TTC39C: variants seen among roughly 807,000 people sequenced by gnomAD.
TTC39C encodes tetratricopeptide repeat protein 39C.
Under a neutral mutation model 76.3 loss-of-function variants are expected in TTC39C, and 33 were observed. That is an observed-to-expected ratio of 0.43 (90% CI 0.33 to 0.58). The LOEUF is 0.58. Among genes scored for constraint, TTC39C ranks in the 20% least tolerant of loss-of-function variants. The pLI is 0.04. For missense variants in TTC39C, 595 were observed against 701.4 expected (o/e 0.85, Z 1.71); for synonymous variants, 254 against 260.6 (o/e 0.97, Z 0.24).
chr18:24,092,092 CAAAAAAAAAA>C (rs74171390), intron 6 of TTC39C, among the ~76,000 whole-genome samples: 6 of 67,590 alleles, frequency 8.9e-5, no homozygotes, highest in African/African-American at 1.8e-4. Flanking sequence ...GACTCAGTCT[CAAAAAAAAAA>C]AAAAAAAAAA....
rs182753813 is a variant in TTC39C at position 24,050,555 on chromosome 18, C to A, written c.168-13585C>A. Among the ~76,000 whole-genome samples, 565 of 128,626 alleles carry A rather than the reference C, an allele frequency of 4.4e-3. 3 individuals carry two copies. The highest frequency in any genetic ancestry group is 0.017 in the African/African-American group (537 of 32,238). The allele number at this position is 128,626 out of a possible 152,430, so 84.4% of individuals were successfully genotyped here. A position where few individuals can be genotyped will look rare whatever the true frequency, so the allele number is the denominator to read the frequency against. On this transcript the variant is annotated intron_variant, in intron 1 of 13. Coordinates refer to ENST00000317571, the MANE Select transcript of TTC39C (RefSeq NM_001135993.2). ...CTCCAGTCTGGGTGACAAAGCAAGACCCTGTCTCAAAAAAAAAAAAAAAAA... is the reference window on the plus strand; with the variant it reads ...CTCCAGTCTGGGTGACAAAGCAAGAACCTGTCTCAAAAAAAAAAAAAAAAA...
chr18:24,038,013 C>T (rs567639919), intron 1 of TTC39C, among the ~76,000 whole-genome samples: 1 of 152,350 alleles, frequency 6.6e-6, no homozygotes, highest in Admixed American at 6.5e-5. Context: ...CTATGCTATG[C>T]TACGCATCCT....
chr18:24,066,268 C>T (rs2084165480), intron 3 of TTC39C, 128 bp downstream of exon 3: 4 of 1,243,978 alleles, frequency 3.2e-6, no homozygotes, highest in Non-Finnish European at 4.3e-6. Context: ...CACAATGTTT[C>T]TTATGGTTTT....
chr18:24,076,003 C>G (rs1332364323), intron 4 of TTC39C, among the ~76,000 whole-genome samples: 1 of 152,144 alleles, frequency 6.6e-6, no homozygotes, highest in African/African-American at 2.4e-5. Flanking sequence ...TAAGGTGGGA[C>G]AGATTGTCTG....
In TTC39C at chr18:24,014,992, C is replaced by A; in HGVS notation, c.121C>A (p.Leu41Ile). 1 of 1,527,206 alleles carries A rather than the reference C, an allele frequency of 6.5e-7. No individual in the cohort carries two copies. Among genetic ancestry groups the A allele is most frequent in the Non-Finnish European group, 8.8e-7 (1 of 1,137,278 alleles). 94.6% of individuals were successfully genotyped at this position (1,527,206 alleles called of 1,614,324 possible). Residue 41 changes from leucine (L) to isoleucine (I), a missense_variant, in exon 1 of 14, where the codon CTC (leucine) becomes ATC (isoleucine). Coordinates refer to ENST00000317571, the MANE Select transcript of TTC39C (RefSeq NM_001135993.2). Reference sequence around the variant, plus strand: ...GGCCCTGGCCGGCATCAACATGCTGCTCAACAACGGCTTCAGGGAGTCGGA... The same window carrying A: ...GGCCCTGGCCGGCATCAACATGCTGATCAACAACGGCTTCAGGGAGTCGGA... ...ELALAGINML[L>I]NNGFRESDQL...
At chr18:24,002,724 G>GA (rs2083323302) in intron 1 of TTC39C, among the ~76,000 whole-genome samples, 2 of 152,100 alleles carry the variant, frequency 1.3e-5, no homozygotes, top group Admixed American at 1.3e-4. Context: ...CCAAACTGTA[G>GA]AAAAAAGCAG....
intron 10 of TTC39C, among the ~76,000 whole-genome samples, chr18:24,128,524 T>C (rs1276564965): frequency 6.6e-6 from 1 of 152,112 alleles, no homozygotes; most frequent in African/African-American, 2.4e-5. Flanking sequence ...CCTTTCTTCC[T>C]CATCAGCTCC....
At chr18:24,091,728 C>T (rs768225187) in intron 6 of TTC39C, among the ~76,000 whole-genome samples, 4 of 152,054 alleles carry the variant, frequency 2.6e-5, no homozygotes, top group African/African-American at 7.2e-5. Flanking sequence ...ATATCTGATA[C>T]GGGACTTGTA....
chr18:24,055,457 C>T (rs1362602355), intron 1 of TTC39C, among the ~76,000 whole-genome samples: 2 of 152,056 alleles, frequency 1.3e-5, no homozygotes, highest in Admixed American at 6.6e-5. Flanking sequence ...CTCATTGTGG[C>T]TTTGATTTGC....
chr18:24,119,141 C>T (rs2084935556), intron 8 of TTC39C, among the ~76,000 whole-genome samples: 1 of 151,986 alleles, frequency 6.6e-6, no homozygotes, highest in Non-Finnish European at 1.5e-5. Context: ...TGTTTTTTTG[C>T]CCATGTATGA....
chr18:24,083,693 G>T (rs551255626), intron 6 of TTC39C, among the ~76,000 whole-genome samples: 7 of 152,292 alleles, frequency 4.6e-5, no homozygotes, highest in African/African-American at 1.7e-4. Flanking sequence ...TCCTGTGCTT[G>T]CCCAGTGAGT....
At chr18:24,127,423 T>A (rs1356100423) in intron 10 of TTC39C, among the ~76,000 whole-genome samples, 3 of 152,190 alleles carry the variant, frequency 2.0e-5, no homozygotes, top group Admixed American at 2.0e-4. Flanking sequence ...CTAGTGAGAA[T>A]CCTATATCCT....
chr18:24,135,518 T>G lies in TTC39C; in HGVS notation c.*2944T>G, dbSNP rs1340428157. ...TGACTTATCCAACCTGTGAACTGAT[T>G]GTGATCTGCTTGGTAACTTGGTTTG... On this transcript the variant is annotated 3_prime_UTR_variant, in exon 14 of 14. Transcript: ENST00000317571. 6.5e-6 allele frequency: 1 copy of G among 153,266 alleles called. No homozygotes were observed. Among genetic ancestry groups the G allele is most frequent in the East Asian group, 1.9e-4 (1 of 5,194 alleles). The allele number at this position is 153,266 out of a possible 1,614,324, so 9.5% of individuals were successfully genotyped here.
intron 4 of TTC39C, among the ~76,000 whole-genome samples, chr18:24,071,452 T>C (rs530049031): frequency 1.4e-4 from 21 of 152,368 alleles, no homozygotes; most frequent in African/African-American, 4.6e-4. Flanking sequence ...TTTGGAAAGA[T>C]AGAAAGCAAG....
intron 7 of TTC39C, among the ~76,000 whole-genome samples, chr18:24,117,127 A>G (rs1450713873): frequency 6.6e-6 from 1 of 152,122 alleles, no homozygotes; most frequent in African/African-American, 2.4e-5. Context: ...ATACAAGGAC[A>G]CTATTAGCCC....
intron 1 of TTC39C, among the ~76,000 whole-genome samples, chr18:23,993,952 G>T (rs985887786): frequency 6.6e-6 from 1 of 152,172 alleles, no homozygotes; most frequent in Non-Finnish European, 1.5e-5. Flanking sequence ...CATCCAGAAA[G>T]CTTCATATTA....
intron 1 of TTC39C, chr18:24,022,442 C>A: frequency 2.5e-6 from 1 of 400,504 alleles, no homozygotes; most frequent in South Asian, 1.0e-4. Context: ...AGTGGCCCAA[C>A]TCGGGTCTCG....
chr18:23,995,801 T>A (rs571997935), intron 1 of TTC39C, among the ~76,000 whole-genome samples: 32 of 151,846 alleles, frequency 2.1e-4, no homozygotes, highest in Non-Finnish European at 3.4e-4. Context: ...GCCCAGGAGG[T>A]CAAGGCTGCA....
chr18:24,013,575 TTC>T (rs1334715817), upstream of TTC39C, among the ~76,000 whole-genome samples: 6 of 152,184 alleles, frequency 3.9e-5, no homozygotes, highest in African/African-American at 1.2e-4. Flanking sequence ...TTAAAAAAAA[TTC>T]TGTTATAAAT....
Sources: allele counts gnomAD v4.1 joint callset (sites outside exome capture counted in the v4.1 genomes callset), GRCh38; gene constraint gnomAD v4.1.1; transcripts MANE v1.5; gene names NCBI Gene and HGNC (gene_info 2026-07-23, HGNC 2026-07-21).